The following AP3B1 variants were observed in gnomAD, a reference collection of about 807,000 sequenced individuals.
AP3B1 encodes the protein AP-3 complex subunit beta-1.
A neutral mutation model predicts 132.5 loss-of-function variants in AP3B1; 61 were observed. That is an observed-to-expected ratio of 0.46 (90% CI 0.37 to 0.57). The LOEUF (loss-of-function observed/expected upper bound fraction) is 0.57, where lower values mean the gene tolerates loss of function less well. Among genes scored for constraint, AP3B1 ranks in the 20% least tolerant of loss-of-function variants. The pLI is 0.00. For missense variants in AP3B1, 1,120 were observed against 1,289.4 expected (o/e 0.87, Z 2.01); for synonymous variants, 388 against 438.3 (o/e 0.89, Z 1.43).
chr5:78,121,488 T>C (rs185408742), intron 17 of AP3B1, among the ~76,000 whole-genome samples: 1 of 151,892 alleles, frequency 6.6e-6, no homozygotes, highest in Non-Finnish European at 1.5e-5. Flanking sequence ...ATCAAATAGA[T>C]GCAATAAAAA....
At chr5:78,116,664 C>T (rs920482731) in intron 17 of AP3B1, among the ~76,000 whole-genome samples, 11 of 151,752 alleles carry the variant, frequency 7.2e-5, no homozygotes, top group Non-Finnish European at 1.6e-4. Flanking sequence ...AATAAATTGC[C>T]CTAACCATCT....
intron 17 of AP3B1, among the ~76,000 whole-genome samples, chr5:78,118,561 G>A (rs996395612): frequency 1.4e-4 from 22 of 152,214 alleles, no homozygotes; most frequent in African/African-American, 4.8e-4. Flanking sequence ...TACACCCACG[G>A]AGTCTTGCTG....
intron 26 of AP3B1, 171 bp from the exon 27 acceptor site, chr5:78,003,226 T>C (rs891132448): frequency 1.3e-6 from 1 of 792,680 alleles, no homozygotes; most frequent in South Asian, 1.9e-5. Context: ...ATCAATAAAC[T>C]GTCCAGCCCA....
intron 19 of AP3B1, 115 bp downstream of exon 19, chr5:78,113,637 G>GA (rs571782220): frequency 1.7e-3 from 2,051 of 1,205,322 alleles, no homozygotes; most frequent in Non-Finnish European, 2.2e-3. Flanking sequence ...TTAATATCTG[G>GA]AAAAAAATAC....
rs1321043722 is a variant in AP3B1, at chr5:78,002,373, CATG to C, written c.*526_*528del. ...TTATCTTATTATTGAGAGATAATTT[CATG>C]ATGACAGTTATCAATAATCAATTAC... On this transcript the variant is annotated 3_prime_UTR_variant, in exon 27 of 27. Coordinates refer to ENST00000255194, the MANE Select transcript of AP3B1 (RefSeq NM_003664.5). The C allele has an allele frequency of 2.3e-5, 9 of 385,304 alleles. No individual in the cohort carries two copies. Among genetic ancestry groups the C allele is most frequent in the African/African-American group, 4.1e-5 (2 of 48,442 alleles). 23.9% of individuals were successfully genotyped at this position (385,304 alleles called of 1,614,324 possible). A position where few individuals can be genotyped will look rare whatever the true frequency, so the allele number is the denominator to read the frequency against.
chr5:78,109,988 T>C (rs967185954), intron 20 of AP3B1, among the ~76,000 whole-genome samples: 9 of 152,234 alleles, frequency 5.9e-5, no homozygotes, highest in African/African-American at 1.9e-4. Context: ...TGTCACAACC[T>C]AGCCAAGAAC....
Position 78,141,228 on chromosome 5 carries a change from G to A in AP3B1, c.1565C>T (p.Ala522Val). 6.2e-7 allele frequency: 1 copy of A among 1,613,656 alleles called. No homozygotes were observed. The highest frequency in any genetic ancestry group is 1.1e-5 in the South Asian group (1 of 91,064). The change falls in exon 15 of 27, where the codon GCT becomes GTT. Residue 522 changes from alanine (A) to valine (V), a missense_variant. By Grantham distance (64) the Ala-to-Val change is moderately conservative (BLOSUM62 0). This residue lies in a region of AP3B1 where 906 missense variants were observed against 997.1 expected (regional missense o/e 0.91). Coordinates refer to ENST00000255194, the MANE Select transcript of AP3B1 (RefSeq NM_003664.5). Reference sequence around the variant, plus strand: ...ATCATCTTCACTAGTGAAGCTTTTAGCCATCTTCCTCAAAACATCAGGGGC... The same window carrying A: ...ATCATCTTCACTAGTGAAGCTTTTAACCATCTTCCTCAAAACATCAGGGGC... ...KIAPDVLRKMAKSFTSEDDLV... is the reference protein window; with the variant it reads ...KIAPDVLRKMVKSFTSEDDLV...
chr5:78,198,088 C>A (rs936899499), intron 7 of AP3B1, among the ~76,000 whole-genome samples: 5 of 152,144 alleles, frequency 3.3e-5, no homozygotes, highest in Admixed American at 2.0e-4. Context: ...TATCCTGTCA[C>A]CTCTCACCTT....
chr5:78,174,188 A>C (rs576289084), intron 11 of AP3B1, among the ~76,000 whole-genome samples: 55 of 152,178 alleles, frequency 3.6e-4, no homozygotes, highest in African/African-American at 1.3e-3. Flanking sequence ...ACTTCCGTCA[A>C]CTCATCAAAG....
At chr5:78,071,989 C>T (rs1411818331) in intron 22 of AP3B1, among the ~76,000 whole-genome samples, 1 of 152,140 alleles carries the variant, frequency 6.6e-6, no homozygotes, top group Non-Finnish European at 1.5e-5. Flanking sequence ...GATATTTTGT[C>T]AGGTCACATA....
chr5:78,217,807 A>G (rs1315695316), intron 6 of AP3B1, among the ~76,000 whole-genome samples: 1 of 152,100 alleles, frequency 6.6e-6, no homozygotes, highest in Non-Finnish European at 1.5e-5. Context: ...AAAGGATAGT[A>G]TCTAGGATAA....
intron 17 of AP3B1, among the ~76,000 whole-genome samples, chr5:78,120,276 T>A (rs9765588): frequency 0.061 from 9,306 of 151,982 alleles, 252 homozygotes; most frequent in East Asian, 0.13. Flanking sequence ...AGGAAGAAAC[T>A]GCATCAACTA....
At chr5:78,137,605 G>A (rs1255785551) in intron 15 of AP3B1, among the ~76,000 whole-genome samples, 2 of 152,142 alleles carry the variant, frequency 1.3e-5, no homozygotes, top group African/African-American at 2.4e-5. Context: ...CTTCTTCTAA[G>A]TATGAATTTC....
intron 7 of AP3B1, among the ~76,000 whole-genome samples, chr5:78,215,842 C>T (rs1303165357): frequency 6.6e-6 from 1 of 152,158 alleles, no homozygotes; most frequent in Non-Finnish European, 1.5e-5. Flanking sequence ...TATACTTACA[C>T]CAATAAATAT....
At chr5:78,122,110 A>C (rs1752234597) in intron 17 of AP3B1, among the ~76,000 whole-genome samples, 1 of 152,224 alleles carries the variant, frequency 6.6e-6, no homozygotes, top group Non-Finnish European at 1.5e-5. Flanking sequence ...TGATTATCTC[A>C]ATAGATGCAG....
At chr5:78,116,617 A>G (rs1169438982) in intron 17 of AP3B1, among the ~76,000 whole-genome samples, 1 of 152,122 alleles carries the variant, frequency 6.6e-6, no homozygotes, top group Non-Finnish European at 1.5e-5. Context: ...AAAGAGAGAA[A>G]AAAAAAAAGA....
chr5:78,199,219 T>C (rs1449877781), intron 7 of AP3B1, among the ~76,000 whole-genome samples: 1 of 152,234 alleles, frequency 6.6e-6, no homozygotes, highest in Non-Finnish European at 1.5e-5. Flanking sequence ...TCAGCTCTAG[T>C]ATGTAAGAAA....
At chr5:78,191,354 C>CAAAAAAAAAAAAAAAAAAA (rs34733864) in intron 7 of AP3B1, among the ~76,000 whole-genome samples, 2 of 72,846 alleles carry the variant, frequency 2.7e-5, no homozygotes, top group African/African-American at 1.1e-4. Context: ...TGCTTTTCCC[C>CAAAAAAAAAAAAAAAAAAA]AAAAAAAAAA....
At chr5:78,237,209 T>A (rs914553029) in intron 3 of AP3B1, among the ~76,000 whole-genome samples, 1 of 152,164 alleles carries the variant, frequency 6.6e-6, no homozygotes, top group Non-Finnish European at 1.5e-5. Context: ...ATGAAAAAAA[T>A]TAAGAGCTGG....
Sources: allele counts gnomAD v4.1 joint callset (sites outside exome capture counted in the v4.1 genomes callset), GRCh38; gene constraint gnomAD v4.1.1; regional missense constraint gnomAD v4.1.1; transcripts MANE v1.5; gene names NCBI Gene and HGNC (gene_info 2026-07-23, HGNC 2026-07-21).